Variants in ZNF385A observed in about 807,000 individuals in gnomAD.
ZNF385A encodes zinc finger protein 385A, also known as hematopoietic zinc finger protein.
A neutral mutation model predicts 32.1 loss-of-function variants in ZNF385A; 14 were observed. That is an observed-to-expected ratio of 0.44 (90% CI 0.29 to 0.68). The LOEUF (loss-of-function observed/expected upper bound fraction) is 0.68. ZNF385A is among the 30% of genes least tolerant of loss of function. The pLI is 0.14. For missense variants in ZNF385A, 406 were observed against 478.4 expected, an observed-to-expected ratio of 0.85 and a Z score of 1.41; for synonymous variants, 197 against 202.7, an observed-to-expected ratio of 0.97 and a Z score of 0.24.
chr12:54,390,193 T>C (rs547783425), intron 1 of ZNF385A, among the ~76,000 whole-genome samples: 1 of 151,936 alleles, frequency 6.6e-6, no homozygotes, highest in African/African-American at 2.4e-5. Flanking sequence ...GCTCCCATCA[T>C]AAACAGATCC....
At chr12:54,388,747 G>C (rs556299080), upstream of ZNF385A, among the ~76,000 whole-genome samples, 9 of 152,106 alleles carry the variant, frequency 5.9e-5, no homozygotes, top group Non-Finnish European at 8.8e-5. Flanking sequence ...TTCCCTTCAG[G>C]CCTTTTGGCC....
intron 1 of ZNF385A, chr12:54,391,093 G>T: frequency 1.3e-6 from 1 of 777,852 alleles, no homozygotes; most frequent in Non-Finnish European, 1.9e-6. Context: ...CAGATGTGGA[G>T]CCAGATGAAG....
At chr12:54,375,679 C>T (rs1273462481) in intron 2 of ZNF385A, among the ~76,000 whole-genome samples, 165 bp downstream of exon 2, 1 of 152,188 alleles carries the variant, frequency 6.6e-6, no homozygotes, top group East Asian at 1.9e-4. Context: ...TTCCACAAGA[C>T]CCTGCCCCTC....
upstream of ZNF385A, among the ~76,000 whole-genome samples, chr12:54,388,536 G>C (rs1425600347): frequency 6.6e-6 from 1 of 152,238 alleles, no homozygotes; most frequent in African/African-American, 2.4e-5. Flanking sequence ...GCCAGGAAAG[G>C]TGTTAGTATA....
chr12:54,391,173 G>T, intron 1 of ZNF385A: 1 of 1,460,908 alleles, frequency 6.8e-7, no homozygotes, highest in Non-Finnish European at 9.1e-7. Context: ...GGAGGGGGGC[G>T]GTGGGTGACC....
At chr12:54,385,203 C>T (rs563099387), upstream of ZNF385A, 1 of 152,456 alleles carries the variant, frequency 6.6e-6, no homozygotes, top group African/African-American at 2.4e-5. Context: ...TCCCAACCTT[C>T]CTCAGTCTTC....
At chr12:54,389,775 G>T (rs536510828) in intron 1 of ZNF385A, among the ~76,000 whole-genome samples, 1 of 152,084 alleles carries the variant, frequency 6.6e-6, no homozygotes, top group South Asian at 2.1e-4. Context: ...TGCTGGTGGG[G>T]GTCACTCTAG....
At chr12:54,390,243 G>T (rs377585650) in intron 1 of ZNF385A, among the ~76,000 whole-genome samples, 11 of 152,064 alleles carry the variant, frequency 7.2e-5, no homozygotes, top group African/African-American at 2.7e-4. Flanking sequence ...AGAGGTCAGA[G>T]CAGGCCTGTG....
At chr12:54,382,832 CTT>C (rs926229211) in intron 1 of ZNF385A, among the ~76,000 whole-genome samples, 1 of 148,540 alleles carries the variant, frequency 6.7e-6, no homozygotes, top group Non-Finnish European at 1.5e-5. Context: ...TCACCATATC[CTT>C]TTTTTTTTAA....
chr12:54,370,974 A>G lies in ZNF385A; in HGVS notation c.727T>C (p.Cys243Arg). The change falls in exon 5 of 7, where the codon TGT becomes CGT. Residue 243 changes from cysteine to arginine, a missense_variant. By Grantham distance (180) the Cys-to-Arg change is radical. Coordinates refer to ENST00000394313, the MANE Select transcript of ZNF385A (RefSeq NM_015481.3). The surrounding 1 kb of genome is among the most constrained non-coding windows in gnomAD (Gnocchi z 5.5). ...EAPAQDRTFH[C>R]EICNVKVNSE... ...TTGACCTTGACATTGCAGATCTCAC[A>G]GTGGAAAGTTCGGTCCTGGGCAGGA... is the stretch of plus-strand genomic sequence containing the variant. 6.2e-7 allele frequency: 1 copy of G among 1,614,152 alleles called. No homozygotes were observed. Among genetic ancestry groups the G allele is most frequent in the Non-Finnish European group, 8.5e-7 (1 of 1,180,012 alleles).
At chr12:54,390,443 C>T (rs1955604287) in intron 1 of ZNF385A, among the ~76,000 whole-genome samples, 1 of 152,006 alleles carries the variant, frequency 6.6e-6, no homozygotes. Flanking sequence ...TACTTACCCT[C>T]TCCATTGCCC....
At chr12:54,375,146 G>A (rs1954774668) in intron 2 of ZNF385A, among the ~76,000 whole-genome samples, 1 of 152,112 alleles carries the variant, frequency 6.6e-6, no homozygotes, top group African/African-American at 2.4e-5. Context: ...AGCAGAACGA[G>A]GCTCTGCTGT....
At position 54,370,696 on chromosome 12, in the gene ZNF385A, T is replaced by C. The variant is rs1227871190; in HGVS notation, c.800A>G (p.Asp267Gly). 1 of 1,599,116 alleles carries C rather than the reference T, an allele frequency of 6.3e-7. No individual in the cohort carries two copies. Among genetic ancestry groups the C allele is most frequent in the Non-Finnish European group, 8.5e-7 (1 of 1,175,106 alleles). ...KQHISSRRHR[D>G]GVAGKPNPLL... ...TGGGTTGGGCTTCCCGGCCACGCCG[T>C]CTCGGTGCCGCCGGCTGGAGATGTG... Residue 267 changes from aspartate to glycine, a missense_variant, in exon 6 of 7, where the codon GAC (aspartate) becomes GGC (glycine). Asp to Gly is a moderately conservative substitution (Grantham distance 94, BLOSUM62 -1). Transcript: ENST00000394313. The surrounding 1 kb of genome is among the most constrained non-coding windows in gnomAD (Gnocchi z 5.5).
At chr12:54,379,343 A>C in intron 1 of ZNF385A, 2 of 284,650 alleles carry the variant, frequency 7.0e-6, no homozygotes, top group Non-Finnish European at 1.1e-5. Flanking sequence ...AAAGAGGGAG[A>C]TGTCCATTAT....
rs1195534312 is a variant in ZNF385A, at chr12:54,375,725, T to C, written c.198+119A>G. 6.1e-6 allele frequency: 5 copies of C among 818,090 alleles called. No individual in the cohort carries two copies. In the Admixed American group the frequency reaches 8.3e-5, roughly 14 times the overall value. 50.7% of individuals were successfully genotyped at this position (818,090 alleles called of 1,614,324 possible). ...CCCATTCCCTGCTCTTTGCCTAATA[T>C]CCCCTTAATCCCTGCCCCTCAACCA... is the stretch of plus-strand genomic sequence containing the variant. On this transcript the variant is annotated intron_variant, in intron 2 of 6. Transcript: ENST00000394313.
chr12:54,370,886 G>A lies in ZNF385A; in HGVS notation c.774+41C>T. ...CTTGCTCCCCTTCCCCACTTAGCGG[G>A]TGGAGCGTCCCAGAATTCCTGGGAA... On this transcript the variant is annotated intron_variant, in intron 5 of 6. Coordinates refer to ENST00000394313, the MANE Select transcript of ZNF385A (RefSeq NM_015481.3). This position sits in a 1 kb window ranked among gnomAD's most constrained non-coding sequence, Gnocchi z 5.5. The A allele has an allele frequency of 6.2e-7, 1 of 1,613,760 alleles. No homozygotes were observed. Among genetic ancestry groups the A allele is most frequent in the East Asian group, 2.2e-5 (1 of 44,878 alleles).
Position 54,370,261 on chromosome 12 carries a change from A to T in ZNF385A, c.1096T>A (p.Tyr366Asn). ...TAHGPILFSP[Y>N] Reference sequence around the variant, plus strand: ...GGAGGGGTTCAGGGTTGAGGTCAGTACGGGGAGAAGAGGATGGGTCCGTGC... The same window carrying T: ...GGAGGGGTTCAGGGTTGAGGTCAGTTCGGGGAGAAGAGGATGGGTCCGTGC... The change falls in exon 7 of 7, where the codon TAC (tyrosine) becomes AAC (asparagine). Residue 366 changes from tyrosine (Y) to asparagine (N), a missense_variant. Physicochemically the swap from Tyr to Asn is moderately radical, Grantham distance 143 (BLOSUM62 -2). Coordinates refer to ENST00000394313, the MANE Select transcript of ZNF385A (RefSeq NM_015481.3). This position sits in a 1 kb window ranked among gnomAD's most constrained non-coding sequence, Gnocchi z 5.5. 6.8e-7 allele frequency: 1 copy of T among 1,460,554 alleles called. No individual in the cohort carries two copies. The highest frequency in any genetic ancestry group is 9.1e-7 in the Non-Finnish European group (1 of 1,103,926). 90.5% of individuals were successfully genotyped at this position (1,460,554 alleles called of 1,614,324 possible).
At chr12:54,386,702 A>G (rs2137309001), upstream of ZNF385A, among the ~76,000 whole-genome samples, 1 of 152,334 alleles carries the variant, frequency 6.6e-6, no homozygotes, top group South Asian at 2.1e-4. Flanking sequence ...CCAGAGCACC[A>G]GAGGCTGAAG....
intron 4 of ZNF385A, 98 bp downstream of exon 4, chr12:54,371,375 A>ATAAG: frequency 6.7e-7 from 1 of 1,485,142 alleles, no homozygotes; most frequent in Non-Finnish European, 9.0e-7. Flanking sequence ...GATAGGTCTT[A>ATAAG]GATGGTCTAG....
Sources: gnomAD v4.1 joint callset for allele counts (sites outside exome capture counted in the v4.1 genomes callset) on GRCh38, gnomAD v4.1.1 for gene constraint, Gnocchi (gnomAD v3.1) non-coding constraint, MANE v1.5 for transcripts, NCBI Gene and HGNC (gene_info 2026-07-23, HGNC 2026-07-21) for gene names.